GREM2: variants seen among roughly 807,000 people sequenced by gnomAD.
The protein encoded by GREM2 is gremlin 2, DAN family BMP antagonist, also known as gremlin-2.
In GREM2, 11 loss-of-function variants were observed where a neutral mutation model predicts 14.2. That is an observed-to-expected ratio of 0.78 (90% CI 0.49 to 1.28). The LOEUF is 1.28. GREM2 is among the 50% of genes most tolerant of loss of function. GREM2 has a pLI of 0.00. For missense variants in GREM2, 210 were observed against 218.5 expected (o/e 0.96, Z 0.24); for synonymous variants, 98 against 97.6 (o/e 1.00, Z -0.02).
chr1:240,507,143 G>T (rs1677691806), intron 1 of GREM2, among the ~76,000 whole-genome samples: 1 of 152,198 alleles, frequency 6.6e-6, no homozygotes, highest in South Asian at 2.1e-4. Context: ...TCAGAAAATT[G>T]CTCTCCAGCG....
At chr1:240,522,000 G>A (rs1678110474) in intron 1 of GREM2, among the ~76,000 whole-genome samples, 1 of 150,888 alleles carries the variant, frequency 6.6e-6, no homozygotes, top group Non-Finnish European at 1.5e-5. Flanking sequence ...CACACCTGTA[G>A]TCCCAGCTAC....
At chr1:240,546,745 A>T (rs1218097523) in intron 1 of GREM2, among the ~76,000 whole-genome samples, 1 of 152,214 alleles carries the variant, frequency 6.6e-6, no homozygotes, top group Non-Finnish European at 1.5e-5. Context: ...ATGAGAGAGA[A>T]AATGAAATTT....
intron 1 of GREM2, among the ~76,000 whole-genome samples, chr1:240,603,610 T>G (rs987953858): frequency 6.7e-6 from 1 of 149,240 alleles, no homozygotes; most frequent in Non-Finnish European, 1.5e-5. Context: ...GACATCAAAT[T>G]TACTGCCCTA....
At chr1:240,593,959 G>A (rs1207831550) in intron 1 of GREM2, among the ~76,000 whole-genome samples, 3 of 151,694 alleles carry the variant, frequency 2.0e-5, no homozygotes, top group South Asian at 2.1e-4. Flanking sequence ...TAATTTGTTT[G>A]TTTGTTTGTT....
At chr1:240,591,532 C>G (rs1024518566) in intron 1 of GREM2, among the ~76,000 whole-genome samples, 1 of 152,164 alleles carries the variant, frequency 6.6e-6, no homozygotes, top group African/African-American at 2.4e-5. Context: ...TCGACGCTCA[C>G]GTTTTGGCGG....
intron 1 of GREM2, among the ~76,000 whole-genome samples, chr1:240,496,965 G>A (rs1677434402): frequency 6.6e-6 from 1 of 151,974 alleles, no homozygotes; most frequent in Non-Finnish European, 1.5e-5. Context: ...AGGTTGCAGT[G>A]AGCCAAGATC....
intron 1 of GREM2, among the ~76,000 whole-genome samples, chr1:240,601,850 C>CGAGCCAAGGCCGAGATTGCACCATTG (rs1571953040): frequency 6.8e-6 from 1 of 146,996 alleles, no homozygotes; most frequent in East Asian, 2.0e-4. Flanking sequence ...GAGGTTGCAG[C>CGAGCCAAGGCCGAGATTGCACCATTG]GAGCCAAGGC....
At chr1:240,526,088 C>T (rs145593799) in intron 1 of GREM2, among the ~76,000 whole-genome samples, 162 of 152,230 alleles carry the variant, frequency 1.1e-3, no homozygotes, top group Non-Finnish European at 1.7e-3. Context: ...CTGGATTACC[C>T]GGGATAATCT....
Position 240,536,301 on chromosome 1 carries a change from C to A in GREM2, c.-1-42825G>T, listed in dbSNP as rs568609810. The stretch of plus-strand genomic sequence containing the variant: ...AAAACATATGAGTAAGGGAATATAA[C>A]AAATCCTGAAGTAAGGTCTGATAAT... On this transcript the variant is annotated intron_variant, in intron 1 of 1. Transcript: ENST00000318160. Among the ~76,000 whole-genome samples, 10 of 152,268 alleles carry A rather than the reference C, an allele frequency of 6.6e-5. No individual in the cohort carries two copies. In the South Asian group the frequency reaches 1.9e-3, roughly 28 times the overall value.
chr1:240,556,129 T>C (rs1572397036), intron 1 of GREM2, among the ~76,000 whole-genome samples: 1 of 152,272 alleles, frequency 6.6e-6, no homozygotes, highest in South Asian at 2.1e-4. Context: ...TCCAATACCC[T>C]CAAGTAGCTT....
intron 1 of GREM2, among the ~76,000 whole-genome samples, chr1:240,602,923 A>G (rs1163896619): frequency 6.6e-6 from 1 of 151,722 alleles, no homozygotes; most frequent in Non-Finnish European, 1.5e-5. Flanking sequence ...AATACAAAAT[A>G]CTAGCCGGGT....
intron 1 of GREM2, among the ~76,000 whole-genome samples, chr1:240,561,494 A>C (rs919867003): frequency 1.3e-5 from 2 of 152,202 alleles, no homozygotes; most frequent in African/African-American, 4.8e-5. Context: ...TAGGGAATTC[A>C]GTTAAAAAGA....
At chr1:240,595,545 A>G (rs1679804525) in intron 1 of GREM2, among the ~76,000 whole-genome samples, 1 of 152,038 alleles carries the variant, frequency 6.6e-6, no homozygotes, top group Admixed American at 6.6e-5. Context: ...CAAATTATGG[A>G]ATGGAAGGTG....
At chr1:240,504,705 C>T (rs533885936) in intron 1 of GREM2, among the ~76,000 whole-genome samples, 83 of 152,224 alleles carry the variant, frequency 5.5e-4, no homozygotes, top group African/African-American at 2.0e-3. Flanking sequence ...AGGCTGTTTC[C>T]CATAATTTTC....
At chr1:240,605,555 T>C (rs1041376588) in intron 1 of GREM2, among the ~76,000 whole-genome samples, 3 of 152,028 alleles carry the variant, frequency 2.0e-5, no homozygotes, top group African/African-American at 7.2e-5. Flanking sequence ...TTTTTAAAAA[T>C]CTAACCTCTG....
intron 1 of GREM2, among the ~76,000 whole-genome samples, chr1:240,537,309 G>T (rs1678494557): frequency 6.6e-6 from 1 of 152,168 alleles, no homozygotes; most frequent in African/African-American, 2.4e-5. Flanking sequence ...AAAATAAAGA[G>T]AAAAATATAG....
At chr1:240,539,387 C>T (rs1274146345) in intron 1 of GREM2, among the ~76,000 whole-genome samples, 1 of 152,144 alleles carries the variant, frequency 6.6e-6, no homozygotes, top group Non-Finnish European at 1.5e-5. Flanking sequence ...TAAAATTAAA[C>T]AAAAGAGGAA....
intron 1 of GREM2, among the ~76,000 whole-genome samples, chr1:240,594,605 A>G (rs1440009067): frequency 1.3e-5 from 2 of 152,254 alleles, no homozygotes; most frequent in East Asian, 3.9e-4. Flanking sequence ...TTGAGTTTGT[A>G]TATGTTCTTT....
rs1679836158 is a variant in GREM2 at position 240,597,234 on chromosome 1, C to G, written c.-2+14650G>C. Among the ~76,000 whole-genome samples, 4 of 152,206 alleles carry G rather than the reference C, an allele frequency of 2.6e-5. No individual in the cohort carries two copies. The South Asian group carries it at 8.3e-4, about 32-fold the overall frequency. ...GCAACAGAGCTCAGGAGCCAGGGCT[C>G]TCAGAGCACAGATTGCCAAAGGGCA... On this transcript the variant is annotated intron_variant, in intron 1 of 1. Transcript: ENST00000318160.
Sources: gnomAD v4.1 joint callset for allele counts (sites outside exome capture counted in the v4.1 genomes callset) on GRCh38, gnomAD v4.1.1 for gene constraint, MANE v1.5 for transcripts, NCBI Gene and HGNC (gene_info 2026-07-23, HGNC 2026-07-21) for gene names.